GATAD2A: variants seen among roughly 807,000 people sequenced by gnomAD.
The protein encoded by GATAD2A is GATA zinc finger domain containing 2A.
GATAD2A carries 12 observed loss-of-function variants against 68.5 expected under a neutral mutation model. The observed-to-expected ratio is 0.18, with a 90% CI of 0.11 to 0.28. GATAD2A has a LOEUF of 0.28. Ranked by LOEUF, GATAD2A falls within the 10% of genes least tolerant of loss-of-function variation. The pLI is 1.00. For synonymous variants in GATAD2A, 410 were observed against 375.3 expected (o/e 1.09, Z -1.07); for missense variants, 755 against 868.5 (o/e 0.87, Z 1.64).
chr19:19,477,785 G>A (rs1178438131), intron 2 of GATAD2A, among the ~76,000 whole-genome samples: 1 of 152,150 alleles, frequency 6.6e-6, no homozygotes, highest in Non-Finnish European at 1.5e-5. Context: ...TGCTGGAGAA[G>A]GAAGGAGATT....
chr19:19,422,650 T>C (rs1487423258), intron 1 of GATAD2A, among the ~76,000 whole-genome samples: 4 of 152,160 alleles, frequency 2.6e-5, no homozygotes, highest in Non-Finnish European at 4.4e-5. Context: ...TCTGATACTA[T>C]ACATTGTCAA....
chr19:19,465,754 C>CA, intron 2 of GATAD2A, 140 bp downstream of exon 2: 1 of 992,558 alleles, frequency 1.0e-6, no homozygotes, highest in Non-Finnish European at 1.5e-6. Flanking sequence ...GCTCGGGCAT[C>CA]ACCCACCACT....
At chr19:19,387,810 G>A (rs1017323211) in intron 1 of GATAD2A, among the ~76,000 whole-genome samples, 2 of 152,096 alleles carry the variant, frequency 1.3e-5, no homozygotes, top group African/African-American at 4.8e-5. Flanking sequence ...TTCTCCAGAG[G>A]TTTTCCCCTT....
chr19:19,411,467 C>G lies in GATAD2A; in HGVS notation c.-7+5448C>G, dbSNP rs145972073. On this transcript the variant is annotated intron_variant, in intron 1 of 11. Coordinates refer to ENST00000683918, the MANE Select transcript of GATAD2A (RefSeq NM_001384528.1). ...AGAGGGGTCCCTGTCACTGAGTGGA[C>G]TCTGGGTGGAGGCTGGAAGTAGGTG... is the stretch of plus-strand genomic sequence containing the variant. Among the ~76,000 whole-genome samples the G allele has an allele frequency of 2.0e-5, 3 of 152,294 alleles. No individual in the cohort carries two copies. In the East Asian group the frequency reaches 5.8e-4, roughly 29 times the overall value.
intron 1 of GATAD2A, among the ~76,000 whole-genome samples, chr19:19,426,975 G>C (rs546310308): frequency 6.6e-6 from 1 of 152,180 alleles, no homozygotes; most frequent in African/African-American, 2.4e-5. Flanking sequence ...TTCTGTACAC[G>C]CTTTGGCATG....
At chr19:19,500,389 G>T (rs1260516418) in intron 8 of GATAD2A, among the ~76,000 whole-genome samples, 1 of 144,910 alleles carries the variant, frequency 6.9e-6, no homozygotes. Context: ...CCACCCCCCA[G>T]CCCCTGCAGT....
intron 1 of GATAD2A, among the ~76,000 whole-genome samples, chr19:19,412,745 G>A (rs2051117295): frequency 6.6e-6 from 1 of 152,142 alleles, no homozygotes; most frequent in South Asian, 2.1e-4. Context: ...CAGCCATTCT[G>A]TGCAATTAAC....
chr19:19,460,242 G>A lies in GATAD2A; in HGVS notation c.-6-5098G>A, dbSNP rs1199208706. ...GAGCTTCCTCGGGCTATGCTGCCGG[G>A]AGGAGAGTAGACAGGGGTTCTGGGT... On this transcript the variant is annotated intron_variant, in intron 1 of 11. Coordinates refer to ENST00000683918, the MANE Select transcript of GATAD2A (RefSeq NM_001384528.1). Among the ~76,000 whole-genome samples, 3 of 152,234 alleles carry A rather than the reference G, an allele frequency of 2.0e-5. No individual in the cohort carries two copies. The East Asian group carries it at 5.8e-4, about 29-fold the overall frequency.
intron 2 of GATAD2A, among the ~76,000 whole-genome samples, chr19:19,477,027 C>T (rs1474264701): frequency 6.6e-6 from 1 of 152,138 alleles, no homozygotes; most frequent in Non-Finnish European, 1.5e-5. Context: ...ATAGTCTGCC[C>T]CCACTTTGTG....
chr19:19,392,195 C>G lies in GATAD2A; in HGVS notation c.-7+6057C>G, dbSNP rs1442746122. Among the ~76,000 whole-genome samples, 3 of 148,280 alleles carry G rather than the reference C, an allele frequency of 2.0e-5. No homozygotes were observed. In the Admixed American group the frequency reaches 2.0e-4, roughly 10 times the overall value. On this transcript the variant is annotated intron_variant, in intron 1 of 11. Transcript: ENST00000360315. ...TCGACTTCCGGGCTCAAGTGATCCT[C>G]CCACCTCAGCCTCTTGAGTAGCTGG...
chr19:19,397,866 C>A (rs1344517799), intron 1 of GATAD2A, among the ~76,000 whole-genome samples: 1 of 152,074 alleles, frequency 6.6e-6, no homozygotes, highest in South Asian at 2.1e-4. Context: ...GGACTACAGG[C>A]GCATGCTATC....
chr19:19,455,350 C>T (rs1187727325), intron 1 of GATAD2A, among the ~76,000 whole-genome samples: 3 of 152,132 alleles, frequency 2.0e-5, no homozygotes, highest in East Asian at 1.9e-4. Flanking sequence ...GTTAGCCAGG[C>T]GTGGTGGCAT....
chr19:19,501,163 T>C lies in GATAD2A; in HGVS notation c.1250T>C (p.Met417Thr), dbSNP rs1463265859. The part of the protein sequence containing the change: ...AATVLSREPY[M>T]CAQCKTDFTC... ...ACTGTGCTGTCCCGGGAGCCCTACA[T>C]GTGTGCACAGTGCAAGACGGACTTC... The change falls in exon 9 of 12, where the codon ATG becomes ACG. Residue 417 changes from methionine to threonine, a missense_variant. Physicochemically the swap from Met to Thr is moderately conservative, Grantham distance 81 (BLOSUM62 -1). Transcript: ENST00000683918. 6 of 1,613,490 alleles carry C rather than the reference T, an allele frequency of 3.7e-6. No individual in the cohort carries two copies. Among genetic ancestry groups the C allele is most frequent in the Middle Eastern group, 1.6e-4 (1 of 6,062 alleles).
At chr19:19,402,766 T>C (rs1369988838), upstream of GATAD2A, among the ~76,000 whole-genome samples, 8 of 150,408 alleles carry the variant, frequency 5.3e-5, no homozygotes, top group Non-Finnish European at 1.0e-4. Flanking sequence ...TTTTTGTTTT[T>C]GTTTTTTTGA....
At chr19:19,466,833 CTCCTTT>C (rs1351007074) in intron 2 of GATAD2A, among the ~76,000 whole-genome samples, 1 of 152,226 alleles carries the variant, frequency 6.6e-6, no homozygotes, top group African/African-American at 2.4e-5. Flanking sequence ...AGGTCCAAGT[CTCCTTT>C]TCCTTTCTCT....
chr19:19,449,704 G>A (rs2147797073), intron 1 of GATAD2A, among the ~76,000 whole-genome samples: 1 of 152,296 alleles, frequency 6.6e-6, no homozygotes, highest in Admixed American at 6.5e-5. Flanking sequence ...GCTAAGGTGG[G>A]AGGATTGCTT....
intron 1 of GATAD2A, among the ~76,000 whole-genome samples, chr19:19,425,893 C>T (rs1243482916): frequency 6.6e-6 from 1 of 151,916 alleles, no homozygotes; most frequent in African/African-American, 2.4e-5. Flanking sequence ...GGGCTTAAGG[C>T]ATCTTCCCAT....
At chr19:19,486,724 A>G (rs534405166) in intron 2 of GATAD2A, among the ~76,000 whole-genome samples, 30 of 152,252 alleles carry the variant, frequency 2.0e-4, no homozygotes, top group African/African-American at 7.0e-4. Context: ...TGAGCTGAGC[A>G]CTTTCAGATC....
chr19:19,475,503 C>T (rs1355885798), intron 2 of GATAD2A, among the ~76,000 whole-genome samples: 2 of 152,164 alleles, frequency 1.3e-5, no homozygotes, highest in Non-Finnish European at 2.9e-5. Context: ...TCCACTGCCC[C>T]AGCCCCTCCC....
Sources: allele counts gnomAD v4.1 joint callset (sites outside exome capture counted in the v4.1 genomes callset), GRCh38; gene constraint gnomAD v4.1.1; transcripts MANE v1.5; gene names NCBI Gene and HGNC (gene_info 2026-07-23, HGNC 2026-07-21).